CDK11A: variants seen among roughly 807,000 people sequenced by gnomAD.
CDK11A encodes the protein cyclin dependent kinase 11A.
CDK11A carries 55 observed loss-of-function variants against 83.6 expected under a neutral mutation model. The ratio of observed to expected loss-of-function variants is 0.66; its 90% CI spans 0.53 to 0.82. The LOEUF is 0.82. Among genes scored for constraint, CDK11A ranks in the 40% least tolerant of loss-of-function variants. The pLI is 0.00. For missense variants in CDK11A, 564 were observed against 810.1 expected (o/e 0.70, Z 3.69); for synonymous variants, 247 against 302.7 (o/e 0.82, Z 1.91).
At chr1:1,722,354 GA>G (rs1644937781) in intron 2 of CDK11A, 1 of 340,440 alleles carries the variant, frequency 2.9e-6, no homozygotes, top group African/African-American at 2.1e-5. Flanking sequence ...TGCAAACCAA[GA>G]AAGACGTAAA....
chr1:1,716,561 C>T, intron 4 of CDK11A, 83 bp from the exon 5 acceptor site: 1 of 1,453,612 alleles, frequency 6.9e-7, no homozygotes, highest in Non-Finnish European at 9.5e-7. Context: ...CGCCTGTAAT[C>T]CCAGCACTTT....
chr1:1,716,500 T>C (rs200601104), intron 4 of CDK11A, 22 bp from the exon 5 acceptor site: 5 of 1,604,362 alleles, frequency 3.1e-6, no homozygotes, highest in South Asian at 1.1e-5. Context: ...TAAAGTGTCA[T>C]GCAAAGAAAC....
At chr1:1,722,680 A>G in intron 2 of CDK11A, 28 bp downstream of exon 2, 1 of 1,548,018 alleles carries the variant, frequency 6.5e-7, no homozygotes, top group Non-Finnish European at 8.7e-7. Flanking sequence ...CTTTAAGAAA[A>G]CCACTTACTT....
chr1:1,723,577 T>C (rs1215515856), intron 1 of CDK11A, among the ~76,000 whole-genome samples: 2 of 67,508 alleles, frequency 3.0e-5, no homozygotes, highest in African/African-American at 8.9e-5. Flanking sequence ...TAGTCCCATA[T>C]ACTCTGCAAG....
In CDK11A at chr1:1,704,874, C is replaced by T. The variant is rs1329618843; in HGVS notation, c.1458+30G>A. The T allele has an allele frequency of 5.0e-6, 8 of 1,606,906 alleles. 1 individual carries two copies. In the East Asian group the frequency reaches 8.9e-5, roughly 18 times the overall value. ...GGCCCTGTCGGAAAAGCCTTCCACC[C>T]GGGGCCAGGCGTGGTGGGGCCATGC... On this transcript the variant is annotated intron_variant, in intron 13 of 19. Transcript: ENST00000404249.
In CDK11A at chr1:1,714,131, A is replaced by C. The variant is rs1436904965; in HGVS notation, c.489-1731T>G. Among the ~76,000 whole-genome samples, 4 of 41,564 alleles carry C rather than the reference A, an allele frequency of 9.6e-5. 1 individual carries two copies. The highest frequency in any genetic ancestry group is 1.6e-4 in the African/African-American group (4 of 25,556). 27.3% of individuals were successfully genotyped at this position (41,564 alleles called of 152,430 possible). A position where few individuals can be genotyped will look rare whatever the true frequency, so the allele number is the denominator to read the frequency against. On this transcript the variant is annotated intron_variant, in intron 5 of 19. Transcript: ENST00000404249. ...TTGACTATGATGTGACTTTGCATTT[A>C]TTCTAGTTCAAACTTCCTGTGCTCT... is the stretch of plus-strand genomic sequence containing the variant.
Position 1,710,797 on chromosome 1 carries a change from A to G in CDK11A, c.626-1157T>C, listed in dbSNP as rs1177750223. ...ATCAACAGAGACAGAAGATCCAACA[A>G]GAAACCAGAGAGAAATTCCAGAGCT... On this transcript the variant is annotated intron_variant, in intron 6 of 19. Coordinates refer to ENST00000404249, the MANE Select transcript of CDK11A (RefSeq NM_024011.4). Among the ~76,000 whole-genome samples the G allele has an allele frequency of 4.5e-5, 6 of 134,132 alleles. No individual in the cohort carries two copies. The East Asian group carries it at 9.2e-4, about 21-fold the overall frequency. The allele number at this position is 134,132 out of a possible 152,430, so 88.0% of individuals were successfully genotyped here. A position where few individuals can be genotyped will look rare whatever the true frequency, so the allele number is the denominator to read the frequency against.
chr1:1,719,942 T>G (rs1644841470), intron 3 of CDK11A, among the ~76,000 whole-genome samples: 1 of 148,048 alleles, frequency 6.8e-6, no homozygotes, highest in Non-Finnish European at 1.5e-5. Flanking sequence ...AGATGAAAAA[T>G]GTAAGAAATC....
intron 3 of CDK11A, 77 bp downstream of exon 3, chr1:1,721,519 T>A: frequency 6.6e-7 from 1 of 1,504,142 alleles, no homozygotes; most frequent in Non-Finnish European, 9.1e-7. Flanking sequence ...CACACAGTTG[T>A]CACAGTGACC....
chr1:1,706,203 G>A (rs2101169947), intron 11 of CDK11A, among the ~76,000 whole-genome samples: 1 of 150,438 alleles, frequency 6.6e-6, no homozygotes, highest in African/African-American at 2.4e-5. Flanking sequence ...CTCCCTAGTA[G>A]CTGGGAGTAT....
rs1296194472 is a variant in CDK11A at position 1,718,783 on chromosome 1, C to A, written c.355+545G>T. On this transcript the variant is annotated intron_variant, in intron 4 of 19. Transcript: ENST00000404249. ...TCCAGAGCAGCTGGGACTACAGGTG[C>A]CCGCCACCACGCCCGGCTAATTTTT... Among the ~76,000 whole-genome samples the A allele has an allele frequency of 2.0e-5, 3 of 150,606 alleles. No individual in the cohort carries two copies. In the East Asian group the frequency reaches 5.8e-4, roughly 29 times the overall value.
intron 4 of CDK11A, among the ~76,000 whole-genome samples, chr1:1,716,691 G>A (rs1425296197): frequency 6.7e-6 from 1 of 149,978 alleles, no homozygotes; most frequent in Non-Finnish European, 1.5e-5. Flanking sequence ...GCAGGCACCT[G>A]TAATCCCAGG....
rs771305143 is a variant in CDK11A at position 1,705,706 on chromosome 1, C to T, written c.1272G>A (p.Gln424=). Residue 424 remains glutamine (Q), a synonymous_variant, in exon 12 of 20, where the codon CAG becomes CAA. Transcript: ENST00000404249. ...LQGCRSVEEF[Q]CLNRIEEGTY... is the part of the protein sequence containing the mutation. ...TGCCCTCCTCGATCCTGTTCAGGCA[C>T]TGGAACTCCTCGACGCTCCGGCAGC... 2 of 625,530 alleles carry T rather than the reference C, an allele frequency of 3.2e-6. No individual in the cohort carries two copies. Among genetic ancestry groups the T allele is most frequent in the Non-Finnish European group, 5.3e-6 (2 of 378,592 alleles). 38.7% of individuals were successfully genotyped at this position (625,530 alleles called of 1,614,324 possible). A position where few individuals can be genotyped will look rare whatever the true frequency, so the allele number is the denominator to read the frequency against.
intron 14 of CDK11A, 56 bp downstream of exon 14, chr1:1,704,494 T>C (rs754777785): frequency 1.9e-6 from 3 of 1,574,032 alleles, no homozygotes; most frequent in Non-Finnish European, 2.6e-6. Flanking sequence ...ACCGCGGGGG[T>C]GACCAGGACA....
chr1:1,706,950 T>C (rs769704954), intron 11 of CDK11A, among the ~76,000 whole-genome samples: 2 of 144,590 alleles, frequency 1.4e-5, no homozygotes, highest in Non-Finnish European at 3.0e-5. Flanking sequence ...TCCTGCCTTA[T>C]TGATAGCTGC....
At chr1:1,705,985 G>C (rs1644292314) in intron 11 of CDK11A, among the ~76,000 whole-genome samples, 1 of 150,502 alleles carries the variant, frequency 6.6e-6, no homozygotes, top group South Asian at 2.1e-4. Flanking sequence ...GCTCAGGCCT[G>C]TAATTCCAGC....
In CDK11A at chr1:1,719,096, A is replaced by G. The variant is rs987115752; in HGVS notation, c.355+232T>C. On this transcript the variant is annotated intron_variant, in intron 4 of 19. Coordinates refer to ENST00000404249, the MANE Select transcript of CDK11A (RefSeq NM_024011.4). ...CTGGTTTTCGGTCTGTGACGCACAC[A>G]TGCTTTCAGCTAGAGTTTGCTCTCT... 6.9e-5 allele frequency: 20 copies of G among 291,116 alleles called. 1 individual carries two copies. Among genetic ancestry groups the G allele is most frequent in the Non-Finnish European group, 8.3e-5 (13 of 157,038 alleles). 18.0% of individuals were successfully genotyped at this position (291,116 alleles called of 1,614,324 possible).
intron 12 of CDK11A, 90 bp from the exon 13 acceptor site, chr1:1,705,115 C>A: frequency 6.8e-7 from 1 of 1,476,434 alleles, no homozygotes; most frequent in Non-Finnish European, 9.0e-7. Flanking sequence ...CAGGCAGTGC[C>A]CAAAGCGCCA....
At chr1:1,713,759 G>C (rs536560553) in intron 5 of CDK11A, among the ~76,000 whole-genome samples, 46 of 65,988 alleles carry the variant, frequency 7.0e-4, no homozygotes, top group African/African-American at 8.6e-4. Context: ...GCTATCTGCA[G>C]TGCCTGTCCT....
Sources: allele counts gnomAD v4.1 joint callset (sites outside exome capture counted in the v4.1 genomes callset), GRCh38; gene constraint gnomAD v4.1.1; transcripts MANE v1.5; gene names NCBI Gene and HGNC (gene_info 2026-07-23, HGNC 2026-07-21).